The following RNF169 variants were observed in gnomAD, a reference collection of about 807,000 sequenced individuals.
The protein encoded by RNF169 is ring finger protein 169, also known as E3 ubiquitin-protein ligase RNF169.
In RNF169, 24 loss-of-function variants were observed where a neutral mutation model predicts 53.9. That is an observed-to-expected ratio of 0.45 (90% CI 0.32 to 0.63). The LOEUF (loss-of-function observed/expected upper bound fraction) is 0.63, where lower values mean the gene tolerates loss of function less well. RNF169 is among the 20% of genes least tolerant of loss of function. The pLI, the probability that RNF169 is intolerant of heterozygous loss-of-function variation, is 0.04. For missense variants in RNF169, 883 were observed against 906.2 expected (o/e 0.97, Z 0.33); for synonymous variants, 396 against 363.5 (o/e 1.09, Z -1.02).
At chr11:74,749,544 T>G (rs2034853905) in intron 1 of RNF169, among the ~76,000 whole-genome samples, 162 bp downstream of exon 1, 1 of 152,078 alleles carries the variant, frequency 6.6e-6, no homozygotes, top group Non-Finnish European at 1.5e-5. Context: ...TGTTTGTGAA[T>G]TTTGAACTTC....
chr11:74,757,326 CTCA>C (rs1165644532), intron 1 of RNF169, among the ~76,000 whole-genome samples: 2 of 98,862 alleles, frequency 2.0e-5, no homozygotes, highest in Non-Finnish European at 3.9e-5. Flanking sequence ...AGGACATGAA[CTCA>C]TCATTTTTTA....
rs2036302529 is a variant in RNF169 at position 74,839,130 on chromosome 11, G to A, written c.*2400G>A. On this transcript the variant is annotated 3_prime_UTR_variant, in exon 6 of 6. Transcript: ENST00000299563. ...AGAACAAATTCTTGTTAAGCAAATA[G>A]TCCAAACTCTAGGTCCAGCTTACTG... The A allele has an allele frequency of 6.6e-6, 1 of 152,154 alleles. No homozygotes were observed. 9.4% of individuals were successfully genotyped at this position (152,154 alleles called of 1,614,324 possible).
At chr11:74,793,298 A>G (rs760704382) in intron 2 of RNF169, among the ~76,000 whole-genome samples, 4 of 152,252 alleles carry the variant, frequency 2.6e-5, no homozygotes, top group Non-Finnish European at 5.9e-5. Context: ...AACAGATCTC[A>G]GTAGATCTTC....
intron 1 of RNF169, among the ~76,000 whole-genome samples, chr11:74,760,507 T>G (rs920844195): frequency 0.021 from 3,209 of 152,264 alleles, 110 homozygotes; most frequent in African/African-American, 0.073. Context: ...TCTGGTATGT[T>G]GTGTCTTTGT....
At position 74,835,634 on chromosome 11, in the gene RNF169, C is replaced by T; in HGVS notation, c.1031C>T (p.Thr344Ile). ...NNRCVSAPDL[T>I]IEKRLPFSSL... ...CGCTGCGTCTCGGCCCCTGACTTAA[C>T]CATCGAAAAGCGTCTACCCTTCAGC... The change falls in exon 6 of 6, where the codon ACC (threonine) becomes ATC (isoleucine). Residue 344 changes from threonine to isoleucine, a missense_variant. By Grantham distance (89) the Thr-to-Ile change is moderately conservative. Coordinates refer to ENST00000299563, the MANE Select transcript of RNF169 (RefSeq NM_001098638.2). 1 of 1,614,196 alleles carries T rather than the reference C, an allele frequency of 6.2e-7. No individual in the cohort carries two copies. Among genetic ancestry groups the T allele is most frequent in the Non-Finnish European group, 8.5e-7 (1 of 1,180,036 alleles).
Position 74,817,729 on chromosome 11 carries a change from C to G in RNF169, c.842+15C>G. ...TTCCTGGCAGGGTAAGAGACTGATGCTGAATTCAGTCAGGGGTCTTTGGTT... is the reference window on the plus strand; with the variant it reads ...TTCCTGGCAGGGTAAGAGACTGATGGTGAATTCAGTCAGGGGTCTTTGGTT... On this transcript the variant is annotated intron_variant, in intron 4 of 5. Coordinates refer to ENST00000299563, the MANE Select transcript of RNF169 (RefSeq NM_001098638.2). The G allele has an allele frequency of 6.7e-7, 1 of 1,484,438 alleles. No homozygotes were observed. Among genetic ancestry groups the G allele is most frequent in the Non-Finnish European group, 9.4e-7 (1 of 1,061,860 alleles). 92.0% of individuals were successfully genotyped at this position (1,484,438 alleles called of 1,614,324 possible). A position where few individuals can be genotyped will look rare whatever the true frequency, so the allele number is the denominator to read the frequency against.
rs767569860 is a variant in RNF169, at chr11:74,748,932, G to A, written c.52G>A (p.Ala18Thr). 1 of 1,465,306 alleles carries A rather than the reference G, an allele frequency of 6.8e-7. No homozygotes were observed. The highest frequency in any genetic ancestry group is 9.1e-7 in the Non-Finnish European group (1 of 1,098,312). The allele number at this position is 1,465,306 out of a possible 1,614,324, so 90.8% of individuals were successfully genotyped here. A position where few individuals can be genotyped will look rare whatever the true frequency, so the allele number is the denominator to read the frequency against. The change falls in exon 1 of 6, where the codon GCT becomes ACT. Residue 18 changes from alanine to threonine, a missense_variant. This residue lies in a region of RNF169 where 313 missense variants were observed against 279.9 expected (regional missense o/e 1.12). Transcript: ENST00000299563. ...TRASSAAAAA[A>T]LSRRGRRGRC... ...GGCCTCTTCCGCGGCGGCAGCAGCC[G>A]CTCTGAGTCGGCGGGGCCGGCGGGG...
At chr11:74,824,511 A>G (rs781324927) in intron 4 of RNF169, among the ~76,000 whole-genome samples, 13 of 152,224 alleles carry the variant, frequency 8.5e-5, no homozygotes, top group Non-Finnish European at 1.8e-4. Context: ...CACATCCAAG[A>G]AGTTCTGTGA....
At chr11:74,803,287 G>T (rs918759918) in intron 2 of RNF169, among the ~76,000 whole-genome samples, 1 of 151,910 alleles carries the variant, frequency 6.6e-6, no homozygotes, top group Non-Finnish European at 1.5e-5. Flanking sequence ...GGGTTTCACC[G>T]TGTTAGCCAG....
In RNF169 at chr11:74,839,648, A is replaced by C. The variant is rs2036316969; in HGVS notation, c.*2918A>C. The C allele has an allele frequency of 1.3e-5, 2 of 152,072 alleles. No homozygotes were observed. The highest frequency in any genetic ancestry group is 2.1e-4 in the South Asian group (1 of 4,820). The allele number at this position is 152,072 out of a possible 1,614,324, so 9.4% of individuals were successfully genotyped here. ...TGGGTTTTTTTATTATTAAAGGGGAAGTTAGGGGGGAGGGTGAAGGTCAGT... is the reference window on the plus strand; with the variant it reads ...TGGGTTTTTTTATTATTAAAGGGGACGTTAGGGGGGAGGGTGAAGGTCAGT... On this transcript the variant is annotated 3_prime_UTR_variant, in exon 6 of 6. Coordinates refer to ENST00000299563, the MANE Select transcript of RNF169 (RefSeq NM_001098638.2).
intron 1 of RNF169, among the ~76,000 whole-genome samples, chr11:74,784,221 T>C (rs889495574): frequency 2.6e-5 from 4 of 152,166 alleles, no homozygotes; most frequent in African/African-American, 9.7e-5. Context: ...GAAATCAAAG[T>C]ATTGTTACTG....
intron 5 of RNF169, 37 bp from the exon 6 acceptor site, chr11:74,835,509 G>C: frequency 6.8e-7 from 1 of 1,463,144 alleles, no homozygotes; most frequent in Non-Finnish European, 9.5e-7. Flanking sequence ...GTATATGTAT[G>C]TGTGTATGAA....
At position 74,839,251 on chromosome 11, in the gene RNF169, G is replaced by A. The variant is rs551690269; in HGVS notation, c.*2521G>A. 1.3e-5 allele frequency: 2 copies of A among 152,292 alleles called. No homozygotes were observed. The highest frequency in any genetic ancestry group is 1.3e-4 in the Admixed American group (2 of 15,292). 9.4% of individuals were successfully genotyped at this position (152,292 alleles called of 1,614,324 possible). A position where few individuals can be genotyped will look rare whatever the true frequency, so the allele number is the denominator to read the frequency against. On this transcript the variant is annotated 3_prime_UTR_variant, in exon 6 of 6. Transcript: ENST00000299563. ...CAACAGTCCTTCAAATATAGGTAGA[G>A]TGGTCTAGGTTAAGGAGGGAGGAGG...
In RNF169 at chr11:74,761,431, A is replaced by G. The variant is rs1409795887; in HGVS notation, c.502+12049A>G. 7.5e-5 allele frequency among the ~76,000 whole-genome samples: 11 copies of G among 147,206 alleles called. No homozygotes were observed. In the East Asian group the frequency reaches 2.1e-3, roughly 27 times the overall value. On this transcript the variant is annotated intron_variant, in intron 1 of 5. Transcript: ENST00000299563. The stretch of plus-strand genomic sequence containing the variant: ...TCGATGGTCTTTACATTTTGGCATG[A>G]TTTTGCAGCAGCTGGTACCGGTTGT...
intron 1 of RNF169, among the ~76,000 whole-genome samples, chr11:74,785,593 C>T (rs1268858278): frequency 6.6e-6 from 1 of 151,938 alleles, no homozygotes; most frequent in Non-Finnish European, 1.5e-5. Context: ...AAGTACTTTA[C>T]TTTCTATGTA....
chr11:74,814,470 C>G lies in RNF169; in HGVS notation c.724-3126C>G, dbSNP rs116409652. On this transcript the variant is annotated intron_variant, in intron 3 of 5. Coordinates refer to ENST00000299563, the MANE Select transcript of RNF169 (RefSeq NM_001098638.2). ...GATCATAGTTCACTGTAGCCTCAAG[C>G]CCCTGGGCTCAAGCGATCCTTTTAC... Among the ~76,000 whole-genome samples the G allele has an allele frequency of 5.2e-3, 767 of 147,662 alleles. 7 individuals are homozygous for G. The highest frequency in any genetic ancestry group is 0.018 in the African/African-American group (729 of 40,234).
rs1004993081 is a variant in RNF169, at chr11:74,759,621, T to C, written c.502+10239T>C. ...ATATGCTGGATTACATTTATTGATT[T>C]GCGGATATTGAACCAGCCTTGCATC... On this transcript the variant is annotated intron_variant, in intron 1 of 5. Transcript: ENST00000299563. Among the ~76,000 whole-genome samples the C allele has an allele frequency of 5.2e-4, 76 of 146,308 alleles. 4 individuals are homozygous for C. The highest frequency in any genetic ancestry group is 1.8e-3 in the African/African-American group (67 of 37,880).
intron 1 of RNF169, among the ~76,000 whole-genome samples, chr11:74,773,433 A>G (rs969269192): frequency 6.6e-6 from 1 of 152,196 alleles, no homozygotes; most frequent in Non-Finnish European, 1.5e-5. Flanking sequence ...AGCATTTAGG[A>G]TAATATAAAA....
intron 2 of RNF169, among the ~76,000 whole-genome samples, chr11:74,804,892 G>C (rs942859982): frequency 1.3e-5 from 2 of 152,100 alleles, no homozygotes; most frequent in Non-Finnish European, 2.9e-5. Context: ...AGGACAAAAG[G>C]TTTGAACAAA....
Sources: allele counts gnomAD v4.1 joint callset (sites outside exome capture counted in the v4.1 genomes callset), GRCh38; gene constraint gnomAD v4.1.1; regional missense constraint gnomAD v4.1.1; transcripts MANE v1.5; gene names NCBI Gene and HGNC (gene_info 2026-07-23, HGNC 2026-07-21).